The following CSMD2 variants were observed in gnomAD, a reference collection of about 807,000 sequenced individuals.
The protein encoded by CSMD2 is CUB and sushi domain-containing protein 2.
In CSMD2, 130 loss-of-function variants were observed where a neutral mutation model predicts 398.5. The observed-to-expected ratio is 0.33, with a 90% confidence interval of 0.28 to 0.38. CSMD2 has a LOEUF of 0.38. Among genes scored for constraint, CSMD2 ranks in the 10% least tolerant of loss-of-function variants. The pLI, the probability that CSMD2 is intolerant of heterozygous loss-of-function variation, is 1.00. For synonymous variants in CSMD2, 1,828 were observed against 1,908.5 expected (o/e 0.96, Z 1.10); for missense variants, 3,829 against 4,764.9 (o/e 0.80, Z 5.78).
At chr1:33,848,932 C>T (rs951105445) in intron 5 of CSMD2, among the ~76,000 whole-genome samples, 1 of 151,466 alleles carries the variant, frequency 6.6e-6, no homozygotes, top group African/African-American at 2.4e-5. Flanking sequence ...ACCAAAAGCT[C>T]TTTATTGCAA....
chr1:33,977,521 T>C (rs573348680), intron 3 of CSMD2, among the ~76,000 whole-genome samples: 1 of 152,182 alleles, frequency 6.6e-6, no homozygotes, highest in Admixed American at 6.5e-5. Flanking sequence ...AAGCCCTCAG[T>C]GGTGCTCTGT....
chr1:33,730,806 G>T (rs1053345156), intron 15 of CSMD2, among the ~76,000 whole-genome samples: 2 of 151,994 alleles, frequency 1.3e-5, no homozygotes, highest in African/African-American at 4.8e-5. Flanking sequence ...AAGTAAAAAA[G>T]AAAAAGTGTT....
At chr1:33,712,598 A>G (rs941001472) in intron 21 of CSMD2, among the ~76,000 whole-genome samples, 4 of 152,240 alleles carry the variant, frequency 2.6e-5, no homozygotes, top group African/African-American at 9.6e-5. Context: ...TGTCATGAAC[A>G]AACAGTAATT....
intron 27 of CSMD2, 26 bp downstream of exon 27, chr1:33,657,920 G>C (rs764297169): frequency 6.3e-7 from 1 of 1,596,108 alleles, no homozygotes; most frequent in Admixed American, 1.7e-5. Flanking sequence ...CCCAAGAGCA[G>C]AGTGCACCCT....
At chr1:34,106,832 C>A (rs1660573117) in intron 1 of CSMD2, among the ~76,000 whole-genome samples, 1 of 152,208 alleles carries the variant, frequency 6.6e-6, no homozygotes, top group Non-Finnish European at 1.5e-5. Flanking sequence ...CCATGCCACT[C>A]AGCTTCCTAA....
At chr1:34,035,672 CG>C (rs1379479290) in intron 2 of CSMD2, among the ~76,000 whole-genome samples, 1 of 111,002 alleles carries the variant, frequency 9.0e-6, no homozygotes, top group Non-Finnish European at 1.8e-5. Flanking sequence ...TGTAGTTAAA[CG>C]AAAAAAAAAA....
chr1:33,780,201 C>T (rs182039512), intron 12 of CSMD2, among the ~76,000 whole-genome samples: 1 of 152,308 alleles, frequency 6.6e-6, no homozygotes, highest in Non-Finnish European at 1.5e-5. Flanking sequence ...ATACTAAGTG[C>T]TCAGACCTGT....
chr1:33,729,394 T>C (rs1646646060), intron 15 of CSMD2, among the ~76,000 whole-genome samples: 1 of 152,214 alleles, frequency 6.6e-6, no homozygotes. Flanking sequence ...ACTTTCTCTG[T>C]TGTTCATCTT....
intron 1 of CSMD2, among the ~76,000 whole-genome samples, chr1:34,098,874 G>A (rs1194977497): frequency 6.6e-6 from 1 of 151,810 alleles, no homozygotes; most frequent in East Asian, 1.9e-4. Context: ...TAGCTGTGGA[G>A]GATACTACAA....
intron 19 of CSMD2, among the ~76,000 whole-genome samples, chr1:33,721,220 CTCTG>C (rs1646349077): frequency 6.6e-6 from 1 of 152,128 alleles, no homozygotes; most frequent in Admixed American, 6.5e-5. Context: ...GTTTTCACAT[CTCTG>C]TCTGCTCTAT....
chr1:33,746,264 A>G (rs1647369348), intron 13 of CSMD2, among the ~76,000 whole-genome samples: 1 of 152,154 alleles, frequency 6.6e-6, no homozygotes, highest in African/African-American at 2.4e-5. Context: ...ACATAATGCA[A>G]ATAATGAGGA....
intron 26 of CSMD2, among the ~76,000 whole-genome samples, chr1:33,658,724 T>C (rs1251185051): frequency 1.3e-5 from 2 of 151,906 alleles, no homozygotes; most frequent in African/African-American, 4.8e-5. Flanking sequence ...ATTAGCTGGG[T>C]GTGGTGATAG....
intron 14 of CSMD2, among the ~76,000 whole-genome samples, chr1:33,742,589 C>CCG (rs1490646541): frequency 5.4e-4 from 77 of 142,042 alleles, no homozygotes; most frequent in Middle Eastern, 3.5e-3. Flanking sequence ...CCCCCCCCCC[C>CCG]CAACCCCCTC....
chr1:33,747,549 G>A (rs1466863839), intron 13 of CSMD2, among the ~76,000 whole-genome samples: 2 of 152,184 alleles, frequency 1.3e-5, no homozygotes, highest in African/African-American at 2.4e-5. Context: ...AGTAGTTCAG[G>A]GAGGAAAAAA....
chr1:33,841,883 A>G (rs997984022), intron 6 of CSMD2, among the ~76,000 whole-genome samples: 1 of 152,042 alleles, frequency 6.6e-6, no homozygotes, highest in African/African-American at 2.4e-5. Context: ...TTTTGGCCCT[A>G]TCCTCTCATG....
chr1:34,149,692 C>T (rs1197280438), intron 1 of CSMD2, among the ~76,000 whole-genome samples: 1 of 152,198 alleles, frequency 6.6e-6, no homozygotes, highest in Non-Finnish European at 1.5e-5. Flanking sequence ...GGGGCTGGTG[C>T]CTTCCCAGGC....
intron 12 of CSMD2, among the ~76,000 whole-genome samples, chr1:33,787,325 C>T (rs148937981): frequency 4.0e-4 from 61 of 152,248 alleles, no homozygotes; most frequent in African/African-American, 1.3e-3. Flanking sequence ...TACCCAGTTT[C>T]GAAACAGAGT....
rs1645212595 is a variant in CSMD2 at position 33,690,900 on chromosome 1, G to A, written c.4052+2030C>T. ...ATGAGCATAAATAAAGGAGAAAAGT[G>A]GTCAGTGTCATCAGGAAAATATATG... On this transcript the variant is annotated intron_variant, in intron 25 of 70. Coordinates refer to ENST00000373381, the MANE Select transcript of CSMD2 (RefSeq NM_001281956.2). Among the ~76,000 whole-genome samples the A allele has an allele frequency of 2.0e-5, 3 of 152,126 alleles. No individual in the cohort carries two copies. In the South Asian group the frequency reaches 6.2e-4, roughly 32 times the overall value.
chr1:33,926,928 G>T (rs956708008), intron 4 of CSMD2, among the ~76,000 whole-genome samples: 21 of 152,130 alleles, frequency 1.4e-4, no homozygotes, highest in African/African-American at 4.8e-4. Flanking sequence ...GAGAAAACAG[G>T]ACATTATCCT....
Sources: allele counts gnomAD v4.1 joint callset (sites outside exome capture counted in the v4.1 genomes callset), GRCh38; gene constraint gnomAD v4.1.1; transcripts MANE v1.5; gene names NCBI Gene and HGNC (gene_info 2026-07-23, HGNC 2026-07-21).